RUSF1: variants seen among roughly 807,000 people sequenced by gnomAD.
The protein encoded by RUSF1 is RUS family member 1, also known as RUS1 family protein C16orf58.
In RUSF1, 58 loss-of-function variants were observed where a neutral mutation model predicts 63.0. The ratio of observed to expected loss-of-function variants is 0.92; its 90% CI spans 0.75 to 1.15. RUSF1 has a LOEUF of 1.15. Ranked by LOEUF, RUSF1 falls within the 50% of genes most tolerant of loss-of-function variation. The pLI is 0.00. For missense variants in RUSF1, 652 were observed against 611.0 expected, an observed-to-expected ratio of 1.07 and a Z score of -0.71; for synonymous variants, 274 against 255.8, an observed-to-expected ratio of 1.07 and a Z score of -0.68.
intron 5 of RUSF1, 85 bp downstream of exon 5, chr16:31,499,217 G>A: frequency 1.7e-6 from 2 of 1,178,778 alleles, no homozygotes; most frequent in Non-Finnish European, 2.5e-6. Context: ...TCTTGAAGTG[G>A]CAGGTAAACT....
chr16:31,496,142 G>A (rs2082601038), intron 6 of RUSF1, among the ~76,000 whole-genome samples: 1 of 152,114 alleles, frequency 6.6e-6, no homozygotes, highest in Admixed American at 6.6e-5. Flanking sequence ...GGAGTGCAGT[G>A]GGGTGATCTT....
chr16:31,508,353 C>G lies in RUSF1; in HGVS notation c.21G>C (p.Leu7Phe), dbSNP rs1477619497. 1.3e-6 allele frequency: 2 copies of G among 1,531,286 alleles called. No homozygotes were observed. The highest frequency in any genetic ancestry group is 1.7e-6 in the Non-Finnish European group (2 of 1,151,744). 94.9% of individuals were successfully genotyped at this position (1,531,286 alleles called of 1,614,324 possible). A position where few individuals can be genotyped will look rare whatever the true frequency, so the allele number is the denominator to read the frequency against. Residue 7 changes from leucine to phenylalanine, a missense_variant, in exon 1 of 13, where the codon TTG becomes TTC. Coordinates refer to ENST00000327237, the MANE Select transcript of RUSF1 (RefSeq NM_022744.4). ...ACTGCTCGGAACACAGCGGGGTCTCCAAACCCGCGTCGTCAGCCATGCCGA... is the reference window on the plus strand; with the variant it reads ...ACTGCTCGGAACACAGCGGGGTCTCGAAACCCGCGTCGTCAGCCATGCCGA... MADDAG[L>F]ETPLCSEQFG...
chr16:31,493,887 G>A lies in RUSF1; in HGVS notation c.752C>T (p.Pro251Leu). The change falls in exon 7 of 13, where the codon CCT becomes CTT. Residue 251 changes from proline (P) to leucine (L), a missense_variant. Transcript: ENST00000327237. The stretch of plus-strand genomic sequence containing the variant: ...TTACCCAGGGCAACCTGACACCAGA[G>A]GGAGCATCAGGAGGCTGACCAAGAG... ...AGLLVSLLML[P>L]LVSGCPGFSL... is the part of the protein sequence containing the mutation. The A allele has an allele frequency of 6.2e-7, 1 of 1,614,184 alleles. No individual in the cohort carries two copies. The highest frequency in any genetic ancestry group is 8.5e-7 in the Non-Finnish European group (1 of 1,180,028).
intron 9 of RUSF1, 152 bp from the exon 10 acceptor site, chr16:31,493,200 A>T (rs2082582722): frequency 3.3e-6 from 3 of 904,210 alleles, no homozygotes; most frequent in Non-Finnish European, 5.3e-6. Context: ...ACCCATACAC[A>T]CCAAATCCAT....
intron 2 of RUSF1, among the ~76,000 whole-genome samples, chr16:31,501,806 G>A (rs932622052): frequency 1.3e-5 from 2 of 152,078 alleles, no homozygotes; most frequent in African/African-American, 4.8e-5. Flanking sequence ...CAGCCAAAGA[G>A]CAGATAACAA....
Position 31,507,876 on chromosome 16 carries a change from C to T in RUSF1, c.303G>A (p.Ala101=), listed in dbSNP as rs1426026927. The change falls in exon 2 of 13, where the codon GCG becomes GCA. Residue 101 remains alanine, a splice_region_variant and synonymous_variant. Coordinates refer to ENST00000327237, the MANE Select transcript of RUSF1 (RefSeq NM_022744.4). ...LPYQLWDSVQ[A]FASSLSGSLA... ...GGGAGCCGGAGAGGCTGGAAGCAAA[C>T]GCCTGGAGAAGAAAACAAGTAGGGT... The T allele has an allele frequency of 1.3e-6, 2 of 1,556,782 alleles. No homozygotes were observed. The highest frequency in any genetic ancestry group is 1.2e-5 in the South Asian group (1 of 84,384).
At chr16:31,503,867 G>A (rs981620233) in intron 2 of RUSF1, among the ~76,000 whole-genome samples, 2 of 152,164 alleles carry the variant, frequency 1.3e-5, no homozygotes, top group Non-Finnish European at 2.9e-5. Context: ...TCTCCATGTT[G>A]GTCAGGCTGG....
chr16:31,501,396 A>G (rs779093688), intron 2 of RUSF1, among the ~76,000 whole-genome samples: 3 of 152,048 alleles, frequency 2.0e-5, no homozygotes, highest in Non-Finnish European at 4.4e-5. Context: ...GGAGTTCAAG[A>G]CCAGCCTGGG....
At position 31,493,912 on chromosome 16, in the gene RUSF1, G is replaced by C; in HGVS notation, c.727C>G (p.Leu243Val). ...SQETLVNLAG[L>V]LVSLLMLPLV... ...GGGAGCATCAGGAGGCTGACCAAGAGCCCCGCCAGGTTCACCAGCGTCTCC... is the reference window on the plus strand; with the variant it reads ...GGGAGCATCAGGAGGCTGACCAAGACCCCCGCCAGGTTCACCAGCGTCTCC... The change falls in exon 7 of 13, where the codon CTC becomes GTC. Residue 243 changes from leucine to valine, a missense_variant. Coordinates refer to ENST00000327237, the MANE Select transcript of RUSF1 (RefSeq NM_022744.4). The C allele has an allele frequency of 6.2e-7, 1 of 1,614,178 alleles. No homozygotes were observed.
chr16:31,492,390 A>G, intron 10 of RUSF1, 50 bp from the exon 11 acceptor site: 1 of 1,497,476 alleles, frequency 6.7e-7, no homozygotes. Context: ...CACCTCCCAA[A>G]CCCCTTCTAT....
Position 31,493,480 on chromosome 16 carries a change from G to GGT in RUSF1, c.1001_1002dup (p.Arg335ThrfsTer34), listed in dbSNP as rs746522133. 6.2e-6 allele frequency: 10 copies of GGT among 1,608,040 alleles called. No individual in the cohort carries two copies. Among genetic ancestry groups the GGT allele is most frequent in the Non-Finnish European group, 8.5e-6 (10 of 1,177,286 alleles). On this transcript the variant is annotated frameshift_variant, in exon 9 of 13. Coordinates refer to ENST00000327237, the MANE Select transcript of RUSF1 (RefSeq NM_022744.4). LOFTEE classifies it high-confidence loss of function. ...TAGGCCACTCACCTGGAGACCAAGC[G>GGT]GTGTAAGGGGACCCCCAGGGATAGA...
rs186491946 is a variant in RUSF1, at chr16:31,494,639, G to A, written c.703-703C>T. 1.7e-3 allele frequency among the ~76,000 whole-genome samples: 257 copies of A among 151,930 alleles called. 1 individual carries two copies. Among genetic ancestry groups the A allele is most frequent in the African/African-American group, 5.4e-3 (225 of 41,416 alleles). On this transcript the variant is annotated intron_variant, in intron 6 of 12. Coordinates refer to ENST00000327237, the MANE Select transcript of RUSF1 (RefSeq NM_022744.4). The stretch of plus-strand genomic sequence containing the variant: ...CTTTTTTGCCCAGGTAGGTGCCCTC[G>A]GAATACCCTTGAACACATCTTGTCT...
At chr16:31,505,570 G>A (rs1169337529) in intron 2 of RUSF1, among the ~76,000 whole-genome samples, 1 of 152,118 alleles carries the variant, frequency 6.6e-6, no homozygotes, top group Non-Finnish European at 1.5e-5. Flanking sequence ...TGGTAACAGT[G>A]ACAATGAAGA....
At chr16:31,506,532 A>G (rs2082659826) in intron 2 of RUSF1, among the ~76,000 whole-genome samples, 1 of 152,262 alleles carries the variant, frequency 6.6e-6, no homozygotes, top group Non-Finnish European at 1.5e-5. Context: ...CTATAATCCC[A>G]GCACTTTGGG....
chr16:31,507,990 G>T, intron 1 of RUSF1, 84 bp downstream of exon 1: 1 of 1,540,020 alleles, frequency 6.5e-7, no homozygotes, highest in Non-Finnish European at 8.8e-7. Flanking sequence ...CCCGCCCCCC[G>T]GGCTCCGAGT....
rs1200582177 is a variant in RUSF1 at position 31,499,386 on chromosome 16, A to C, written c.516T>G (p.Asn172Lys). 9 of 1,613,904 alleles carry C rather than the reference A, an allele frequency of 5.6e-6. No homozygotes were observed. The highest frequency in any genetic ancestry group is 7.6e-6 in the Non-Finnish European group (9 of 1,179,952). Reference sequence around the variant, plus strand: ...TAATCTCAAGGAACATGGCTACGTCATTGAGGATGTCCGCAAAAAGCCTGG... The same window carrying C: ...TAATCTCAAGGAACATGGCTACGTCCTTGAGGATGTCCGCAAAAAGCCTGG... Reference protein sequence around the residue: ...KQWRLFADILNDVAMFLEIMA... With the variant: ...KQWRLFADILKDVAMFLEIMA... Residue 172 changes from asparagine (N) to lysine (K), a missense_variant, in exon 5 of 13, where the codon AAT (asparagine) becomes AAG (lysine). Physicochemically the swap from Asn to Lys is moderately conservative, Grantham distance 94. Coordinates refer to ENST00000327237, the MANE Select transcript of RUSF1 (RefSeq NM_022744.4).
In RUSF1 at chr16:31,490,326, C is replaced by A; in HGVS notation, c.*509G>T. ...TCCCTCAGAGCCCCAGGCCCCGGCA[C>A]CAAGCCTCTTCCGCCAGTGCCTGCT... On this transcript the variant is annotated 3_prime_UTR_variant, in exon 13 of 13. Transcript: ENST00000327237. 2 of 1,612,416 alleles carry A rather than the reference C, an allele frequency of 1.2e-6. No individual in the cohort carries two copies. Among genetic ancestry groups the A allele is most frequent in the East Asian group, 2.2e-5 (1 of 44,848 alleles).
intron 2 of RUSF1, among the ~76,000 whole-genome samples, chr16:31,506,098 A>G (rs1179477585): frequency 2.6e-5 from 4 of 152,240 alleles, no homozygotes; most frequent in African/African-American, 9.6e-5. Context: ...GGTAGCATAT[A>G]CATTCAGAGT....
intron 2 of RUSF1, among the ~76,000 whole-genome samples, 170 bp downstream of exon 2, chr16:31,507,594 C>A (rs1443267014): frequency 6.6e-6 from 1 of 152,162 alleles, no homozygotes; most frequent in African/African-American, 2.4e-5. Flanking sequence ...GGATGAGGGT[C>A]TTCCAGATGT....
Sources: allele counts gnomAD v4.1 joint callset (sites outside exome capture counted in the v4.1 genomes callset), GRCh38; gene constraint gnomAD v4.1.1; transcripts MANE v1.5; gene names NCBI Gene and HGNC (gene_info 2026-07-23, HGNC 2026-07-21).